CDH12: variants seen among roughly 807,000 people sequenced by gnomAD.
CDH12 encodes cadherin-12.
A neutral mutation model predicts 74.1 loss-of-function variants in CDH12; 41 were observed. That is an observed-to-expected ratio of 0.55 (90% CI 0.43 to 0.72). The LOEUF (loss-of-function observed/expected upper bound fraction) is 0.72. CDH12 is among the 30% of genes least tolerant of loss of function. The pLI is 0.00. For synonymous variants in CDH12, 399 were observed against 355.0 expected (o/e 1.12, Z -1.39); for missense variants, 945 against 977.2 (o/e 0.97, Z 0.44).
At chr5:22,831,351 TTGTGTGTGTGTGTGTGTGTCTGTG>T (rs1371555528) in intron 1 of CDH12, among the ~76,000 whole-genome samples, 7 of 138,642 alleles carry the variant, frequency 5.0e-5, no homozygotes, top group Non-Finnish European at 1.1e-4. Flanking sequence ...GTTTTGGAGT[TTGTGTGTGTGTGTGTGTGTCTGTG>T]TGTGTGTGTG....
intron 1 of CDH12, among the ~76,000 whole-genome samples, chr5:22,518,713 C>T (rs1167718673): frequency 6.6e-6 from 1 of 152,124 alleles, no homozygotes; most frequent in Admixed American, 6.5e-5. Context: ...CCACACCCTG[C>T]CACCAACTAA....
intron 3 of CDH12, among the ~76,000 whole-genome samples, chr5:22,220,218 G>A (rs1036685971): frequency 3.3e-5 from 5 of 151,690 alleles, no homozygotes; most frequent in African/African-American, 7.3e-5. Context: ...TTGTACATGC[G>A]TATGTGTGTG....
At chr5:22,633,479 C>T (rs2126859872) in intron 1 of CDH12, among the ~76,000 whole-genome samples, 1 of 152,298 alleles carries the variant, frequency 6.6e-6, no homozygotes, top group Admixed American at 6.5e-5. Context: ...GCTGGTTAAA[C>T]ATTATCTCTG....
At chr5:21,880,616 C>CTCTCTTTCTTTCT (rs1752255658) in intron 6 of CDH12, among the ~76,000 whole-genome samples, 4 of 50,810 alleles carry the variant, frequency 7.9e-5, no homozygotes, top group African/African-American at 3.5e-4. Context: ...TCCTTCCTTC[C>CTCTCTTTCTTTCT]TTCTTTCTTT....
At chr5:22,083,383 G>T (rs1376564534) in intron 4 of CDH12, among the ~76,000 whole-genome samples, 1 of 152,008 alleles carries the variant, frequency 6.6e-6, no homozygotes, top group Non-Finnish European at 1.5e-5. Flanking sequence ...GTGATTATTT[G>T]TTTACTCTTT....
At chr5:22,191,766 GT>G in intron 4 of CDH12, among the ~76,000 whole-genome samples, 1 of 151,166 alleles carries the variant, frequency 6.6e-6, no homozygotes, top group Non-Finnish European at 1.5e-5. Flanking sequence ...GGGTTTCACC[GT>G]TTTAGCCGGG....
At chr5:22,728,418 T>C (rs1476917343) in intron 1 of CDH12, among the ~76,000 whole-genome samples, 4 of 151,956 alleles carry the variant, frequency 2.6e-5, no homozygotes, top group Non-Finnish European at 5.9e-5. Flanking sequence ...TTTCTTCCGG[T>C]AGTCATTCAC....
chr5:22,411,046 A>T (rs1468987551), intron 2 of CDH12, among the ~76,000 whole-genome samples: 3 of 152,088 alleles, frequency 2.0e-5, no homozygotes, highest in African/African-American at 7.2e-5. Flanking sequence ...TACTCTACAA[A>T]AAGGAATGTT....
chr5:22,174,094 G>A (rs1406030589), intron 4 of CDH12, among the ~76,000 whole-genome samples: 3 of 151,966 alleles, frequency 2.0e-5, no homozygotes, highest in Non-Finnish European at 2.9e-5. Context: ...TTTGAAGTAA[G>A]TAGATCAATA....
At chr5:22,287,580 C>CG (rs1245501311) in intron 3 of CDH12, among the ~76,000 whole-genome samples, 2 of 151,246 alleles carry the variant, frequency 1.3e-5, no homozygotes, top group African/African-American at 2.4e-5. Context: ...AAAAATTAGC[C>CG]GGCGCGGTGG....
intron 5 of CDH12, among the ~76,000 whole-genome samples, chr5:22,051,038 A>T (rs1291181973): frequency 2.6e-5 from 4 of 152,150 alleles, no homozygotes; most frequent in Non-Finnish European, 5.9e-5. Context: ...AAGGAATCTG[A>T]AAGTCTGCTT....
intron 2 of CDH12, among the ~76,000 whole-genome samples, chr5:22,431,804 G>C (rs570532918): frequency 6.6e-6 from 1 of 152,258 alleles, no homozygotes; most frequent in Admixed American, 6.5e-5. Context: ...ATAGAATAAG[G>C]ACATAAAGAA....
chr5:22,200,248 CAT>C (rs1408797041), intron 4 of CDH12, among the ~76,000 whole-genome samples: 2 of 152,090 alleles, frequency 1.3e-5, no homozygotes, highest in Non-Finnish European at 2.9e-5. Flanking sequence ...TCAAGTACAA[CAT>C]AGCCAATTTC....
At chr5:22,112,919 T>A (rs1744894844) in intron 4 of CDH12, among the ~76,000 whole-genome samples, 1 of 152,152 alleles carries the variant, frequency 6.6e-6, no homozygotes, top group African/African-American at 2.4e-5. Flanking sequence ...TGAGAGAATA[T>A]AAGCAAAGAG....
At position 22,619,099 on chromosome 5, in the gene CDH12, A is replaced by G. The variant is rs149774221; in HGVS notation, c.-522-113735T>C. 3.6e-3 allele frequency among the ~76,000 whole-genome samples: 551 copies of G among 151,948 alleles called. 1 individual carries two copies. Among genetic ancestry groups the G allele is most frequent in the African/African-American group, 0.01 (424 of 41,458 alleles). ...TACACCTTCTTACCTTCTATTATTT[A>G]TTTTTCCTATTTGTGTGAGCCCCAT... On this transcript the variant is annotated intron_variant, in intron 1 of 14. Transcript: ENST00000382254.
intron 8 of CDH12, among the ~76,000 whole-genome samples, chr5:21,832,739 G>T (rs1749094986): frequency 7.3e-6 from 1 of 136,152 alleles, no homozygotes; most frequent in Admixed American, 8.4e-5. Flanking sequence ...TTATATATGA[G>T]ACACATGATA....
chr5:21,895,876 C>T (rs1360584432), intron 6 of CDH12, among the ~76,000 whole-genome samples: 1 of 152,130 alleles, frequency 6.6e-6, no homozygotes, highest in Admixed American at 6.5e-5. Flanking sequence ...AGCCTGGGAG[C>T]CCACTCTAGC....
intron 8 of CDH12, among the ~76,000 whole-genome samples, chr5:21,822,374 G>A (rs374286993): frequency 7.2e-5 from 11 of 152,018 alleles, no homozygotes; most frequent in East Asian, 1.9e-4. Flanking sequence ...CTAAAAAGTC[G>A]TTTTAATTTT....
At chr5:22,453,845 T>G (rs1383660087) in intron 2 of CDH12, among the ~76,000 whole-genome samples, 3 of 152,136 alleles carry the variant, frequency 2.0e-5, no homozygotes, top group Non-Finnish European at 4.4e-5. Context: ...CTTTGTAATT[T>G]TGTACCAAAA....
Sources: allele counts gnomAD v4.1 joint callset (sites outside exome capture counted in the v4.1 genomes callset), GRCh38; gene constraint gnomAD v4.1.1; transcripts MANE v1.5; gene names NCBI Gene and HGNC (gene_info 2026-07-23, HGNC 2026-07-21).